Variants in TNFRSF19 observed in about 807,000 individuals in gnomAD.
The protein encoded by TNFRSF19 is tumor necrosis factor receptor superfamily member 19.
In TNFRSF19, 27 loss-of-function variants were observed where a neutral mutation model predicts 46.4. That is an observed-to-expected ratio of 0.58 (90% CI 0.43 to 0.80). The LOEUF (loss-of-function observed/expected upper bound fraction) is 0.80. Ranked by LOEUF, TNFRSF19 falls within the 30% of genes least tolerant of loss-of-function variation. The probability of loss-of-function intolerance (pLI) is 0.00; values close to 1 mark genes in which losing one functional copy is unlikely to be tolerated. For synonymous variants in TNFRSF19, 204 were observed against 205.0 expected (o/e 1.00, Z 0.04); for missense variants, 511 against 530.8 (o/e 0.96, Z 0.37).
At chr13:23,594,336 C>G (rs1413848983) in intron 3 of TNFRSF19, 1 of 447,168 alleles carries the variant, frequency 2.2e-6, no homozygotes, top group Non-Finnish European at 4.5e-6. Flanking sequence ...TGGAGCCCAG[C>G]AAGCTAAGAT....
At chr13:23,608,128 T>G (rs1880640153) in intron 3 of TNFRSF19, among the ~76,000 whole-genome samples, 1 of 152,158 alleles carries the variant, frequency 6.6e-6, no homozygotes, top group Non-Finnish European at 1.5e-5. Flanking sequence ...TTTCAATTAT[T>G]AGGTATTAAG....
chr13:23,666,950 A>G (rs1043511011), intron 7 of TNFRSF19, among the ~76,000 whole-genome samples: 1 of 152,200 alleles, frequency 6.6e-6, no homozygotes, highest in Non-Finnish European at 1.5e-5. Flanking sequence ...GATATTCCTC[A>G]TGGAAAATTT....
At chr13:23,638,511 T>G (rs1237015785) in intron 5 of TNFRSF19, among the ~76,000 whole-genome samples, 1 of 152,174 alleles carries the variant, frequency 6.6e-6, no homozygotes, top group Non-Finnish European at 1.5e-5. Flanking sequence ...TTTCTTTTAC[T>G]CAAAGACAGG....
At chr13:23,621,250 T>G (rs1881635025) in intron 4 of TNFRSF19, among the ~76,000 whole-genome samples, 1 of 152,150 alleles carries the variant, frequency 6.6e-6, no homozygotes, top group African/African-American at 2.4e-5. Context: ...CTCAGGGTGT[T>G]CCCTAGTAAC....
intron 5 of TNFRSF19, among the ~76,000 whole-genome samples, chr13:23,654,761 TGCTGTGTAACCTTGA>T (rs1883873499): frequency 6.6e-6 from 1 of 152,226 alleles, no homozygotes; most frequent in Non-Finnish European, 1.5e-5. Flanking sequence ...GCCTCTGCTT[TGCTGTGTAACCTTGA>T]GCATGTGACT....
chr13:23,667,636 C>T (rs930951717), intron 7 of TNFRSF19, among the ~76,000 whole-genome samples: 10 of 152,204 alleles, frequency 6.6e-5, no homozygotes, highest in African/African-American at 2.4e-4. Context: ...TACATTCTCA[C>T]TGTGGTGCAG....
intron 5 of TNFRSF19, among the ~76,000 whole-genome samples, chr13:23,633,747 G>C (rs892945065): frequency 2.6e-5 from 4 of 152,350 alleles, no homozygotes; most frequent in Admixed American, 2.0e-4. Context: ...TACTCAGGGG[G>C]CTGAGGCAGA....
intron 5 of TNFRSF19, among the ~76,000 whole-genome samples, chr13:23,646,289 C>G (rs974326022): frequency 6.6e-6 from 1 of 152,162 alleles, no homozygotes; most frequent in Non-Finnish European, 1.5e-5. Flanking sequence ...ACATATATAA[C>G]ATAAAGTTTG....
At chr13:23,637,881 C>T (rs1480816301) in intron 5 of TNFRSF19, among the ~76,000 whole-genome samples, 2 of 152,270 alleles carry the variant, frequency 1.3e-5, no homozygotes, top group African/African-American at 4.8e-5. Flanking sequence ...TCCCTGCTTT[C>T]TTTCACAGGG....
At chr13:23,653,234 A>T (rs1464591655) in intron 5 of TNFRSF19, among the ~76,000 whole-genome samples, 1 of 152,006 alleles carries the variant, frequency 6.6e-6, no homozygotes, top group Non-Finnish European at 1.5e-5. Flanking sequence ...CACATAACCC[A>T]CACCCCTTCT....
intron 5 of TNFRSF19, among the ~76,000 whole-genome samples, chr13:23,628,708 C>T (rs1882162035): frequency 2.6e-5 from 4 of 151,958 alleles, no homozygotes; most frequent in South Asian, 2.1e-4. Flanking sequence ...TGTCTTGTGA[C>T]GTCCTTACTA....
At chr13:23,623,583 C>A (rs1327361314) in intron 4 of TNFRSF19, among the ~76,000 whole-genome samples, 1 of 152,172 alleles carries the variant, frequency 6.6e-6, no homozygotes, top group African/African-American at 2.4e-5. Flanking sequence ...ACAAGGGTTC[C>A]AGTTTCTTCA....
At chr13:23,622,324 G>A (rs572733226) in intron 4 of TNFRSF19, among the ~76,000 whole-genome samples, 1 of 151,614 alleles carries the variant, frequency 6.6e-6, no homozygotes, top group East Asian at 2.0e-4. Context: ...GAGGAGAATC[G>A]CTGGAACCTG....
intron 7 of TNFRSF19, among the ~76,000 whole-genome samples, chr13:23,665,047 T>C (rs1951599472): frequency 1.3e-5 from 2 of 152,184 alleles, no homozygotes; most frequent in Admixed American, 6.5e-5. Context: ...CTATCTCCTA[T>C]TTTGGGAATG....
intron 1 of TNFRSF19, among the ~76,000 whole-genome samples, chr13:23,577,690 G>A (rs1302431757): frequency 6.6e-6 from 1 of 152,170 alleles, no homozygotes; most frequent in Non-Finnish European, 1.5e-5. Flanking sequence ...GAGGTAAGAT[G>A]GGAGAGCACG....
chr13:23,662,669 G>GT (rs1261112224), intron 7 of TNFRSF19, among the ~76,000 whole-genome samples: 15 of 152,268 alleles, frequency 9.9e-5, no homozygotes, highest in African/African-American at 2.2e-4. Flanking sequence ...AGCATGTGAT[G>GT]TTTTTTCATT....
rs34023907 is a variant in TNFRSF19 at position 23,651,893 on chromosome 13, T to TAAAAA, written c.446-7138_446-7134dup. ...AATGGTTGGAAAGAACATAACATGCTAAAAAAAAAAAAAAAAAAAAAAAGC... is the reference window on the plus strand; with the variant it reads ...AATGGTTGGAAAGAACATAACATGCTAAAAAAAAAAAAAAAAAAAAAAAAAAAAGC... On this transcript the variant is annotated intron_variant, in intron 5 of 9. Transcript: ENST00000248484. Among the ~76,000 whole-genome samples, 83 of 9,968 alleles carry TAAAAA rather than the reference T, an allele frequency of 8.3e-3. 2 individuals are homozygous for TAAAAA. Among genetic ancestry groups the TAAAAA allele is most frequent in the African/African-American group, 0.01 (29 of 2,848 alleles). 6.5% of individuals were successfully genotyped at this position (9,968 alleles called of 152,430 possible).
intron 4 of TNFRSF19, among the ~76,000 whole-genome samples, chr13:23,621,192 G>A (rs143415699): frequency 6.6e-6 from 1 of 152,280 alleles, no homozygotes; most frequent in African/African-American, 2.4e-5. Context: ...GAAGCTGCCT[G>A]AGTTGCCTGG....
intron 3 of TNFRSF19, among the ~76,000 whole-genome samples, chr13:23,596,070 T>C (rs570536923): frequency 6.6e-6 from 1 of 152,354 alleles, no homozygotes; most frequent in East Asian, 1.9e-4. Context: ...TGAGAGATTT[T>C]GTCACCACCA....
Sources: allele counts gnomAD v4.1 joint callset (sites outside exome capture counted in the v4.1 genomes callset), GRCh38; gene constraint gnomAD v4.1.1; transcripts MANE v1.5; gene names NCBI Gene and HGNC (gene_info 2026-07-23, HGNC 2026-07-21).